PXDN: variants seen among roughly 807,000 people sequenced by gnomAD.
PXDN encodes the protein peroxidasin homolog.
A neutral mutation model predicts 140.3 loss-of-function variants in PXDN; 77 were observed. That is an observed-to-expected ratio of 0.55 (90% CI 0.46 to 0.66). PXDN has a LOEUF of 0.66. Among genes scored for constraint, PXDN ranks in the 30% least tolerant of loss-of-function variants. The pLI is 0.00. For synonymous variants in PXDN, 911 were observed against 857.4 expected (o/e 1.06, Z -1.09); for missense variants, 1,838 against 2,039.5 (o/e 0.90, Z 1.90).
rs913901442 is a variant in PXDN, at chr2:1,660,532, G to T, written c.1837+349C>A. On this transcript the variant is annotated intron_variant, in intron 14 of 22. Coordinates refer to ENST00000252804, the MANE Select transcript of PXDN (RefSeq NM_012293.3). The surrounding 1 kb of genome is among the most constrained non-coding windows in gnomAD (Gnocchi z 4.6). ...TTCAAGCAACCATATTTGCCAAATT[G>T]TAACTGTAAATTACACCTGGTCATT... Among the ~76,000 whole-genome samples, 1 of 152,228 alleles carries T rather than the reference G, an allele frequency of 6.6e-6. No homozygotes were observed. The highest frequency in any genetic ancestry group is 2.4e-5 in the African/African-American group (1 of 41,462).
At position 1,666,434 on chromosome 2, in the gene PXDN, C is replaced by T. The variant is rs1312827636; in HGVS notation, c.1071G>A (p.Glu357=). ...QPQNTEVLVG[E]SVTLECSATG... is the part of the protein sequence containing the mutation. ...TGGCGCTGCACTCCAGCGTGACGCT[C>T]TCCCCAACCAGCACCTCTGTATTCT... Residue 357 remains glutamate, a synonymous_variant, in exon 10 of 23, where the codon GAG becomes GAA. Coordinates refer to ENST00000252804, the MANE Select transcript of PXDN (RefSeq NM_012293.3). 6.2e-7 allele frequency: 1 copy of T among 1,613,126 alleles called. No homozygotes were observed. The highest frequency in any genetic ancestry group is 8.5e-7 in the Non-Finnish European group (1 of 1,179,396).
intron 18 of PXDN, among the ~76,000 whole-genome samples, chr2:1,644,233 C>T (rs927731100): frequency 6.6e-6 from 1 of 152,096 alleles, no homozygotes; most frequent in African/African-American, 2.4e-5. Flanking sequence ...CTTTCCACTA[C>T]ATTAAAGTAA....
intron 1 of PXDN, among the ~76,000 whole-genome samples, chr2:1,697,932 T>C (rs1389776329): frequency 1.3e-5 from 2 of 152,234 alleles, no homozygotes; most frequent in Admixed American, 1.3e-4. Flanking sequence ...TAGAAAGTTC[T>C]GGGAAACCTA....
chr2:1,645,060 A>G lies in PXDN; in HGVS notation c.3609-308T>C, dbSNP rs12472901. ...CTTTTCCAACTATTCAGGGATAACCACACGTAACATCATAATGTATACCCT... is the reference window on the plus strand; with the variant it reads ...CTTTTCCAACTATTCAGGGATAACCGCACGTAACATCATAATGTATACCCT... On this transcript the variant is annotated intron_variant, in intron 17 of 22. Coordinates refer to ENST00000252804, the MANE Select transcript of PXDN (RefSeq NM_012293.3). 0.37 allele frequency among the ~76,000 whole-genome samples: 56,718 copies of G among 152,038 alleles called. 11,189 individuals carry two copies. The highest frequency in any genetic ancestry group is 0.48 in the Admixed American group (7,272 of 15,270).
At chr2:1,644,783 C>G in intron 17 of PXDN, 31 bp from the exon 18 acceptor site, 1 of 1,444,202 alleles carries the variant, frequency 6.9e-7, no homozygotes, top group Non-Finnish European at 9.2e-7. Flanking sequence ...TGAAATCTAC[C>G]TAACAAAGCT....
chr2:1,687,779 T>C lies in PXDN; in HGVS notation c.345-76A>G. 1 of 1,130,544 alleles carries C rather than the reference T, an allele frequency of 8.8e-7. No homozygotes were observed. The highest frequency in any genetic ancestry group is 1.3e-6 in the Non-Finnish European group (1 of 775,940). The allele number at this position is 1,130,544 out of a possible 1,614,324, so 70.0% of individuals were successfully genotyped here. ...TTCAGACGGAAAAGAAGAATTAAAT[T>C]GACACATGGAGACAGTTTTACAATT... On this transcript the variant is annotated intron_variant, in intron 3 of 22. Coordinates refer to ENST00000252804, the MANE Select transcript of PXDN (RefSeq NM_012293.3). The surrounding 1 kb of genome is among the most constrained non-coding windows in gnomAD (Gnocchi z 4.0).
At chr2:1,663,850 G>C (rs1558497834) in intron 11 of PXDN, 87 bp from the exon 12 acceptor site, 2 of 1,524,752 alleles carry the variant, frequency 1.3e-6, no homozygotes, top group East Asian at 4.5e-5. Flanking sequence ...ACAGAAGCTT[G>C]TCTCCACCTG....
chr2:1,684,168 A>C lies in PXDN; in HGVS notation c.417-17T>G, dbSNP rs748679421. On this transcript the variant is annotated splice_polypyrimidine_tract_variant and intron_variant, in intron 4 of 22. Coordinates refer to ENST00000252804, the MANE Select transcript of PXDN (RefSeq NM_012293.3). ...TGCAGGTATCTAGAGGAGTTAAAAG[A>C]AAAAAAAGTATAACTTACAATTTAT... 3.2e-6 allele frequency: 5 copies of C among 1,541,782 alleles called. No individual in the cohort carries two copies. The Admixed American group carries it at 9.8e-5, about 30-fold the overall frequency.
At position 1,687,560 on chromosome 2, in the gene PXDN, C is replaced by T; in HGVS notation, c.416+72G>A. On this transcript the variant is annotated intron_variant, in intron 4 of 22. Coordinates refer to ENST00000252804, the MANE Select transcript of PXDN (RefSeq NM_012293.3). This position sits in a 1 kb window ranked among gnomAD's most constrained non-coding sequence, Gnocchi z 4.0. ...CATCATGCAAACAGCTAGCTCACTC[C>T]ACTGGTCCCTACAAGAGGAAAACAG... 8.2e-7 allele frequency: 1 copy of T among 1,222,040 alleles called. No homozygotes were observed. The highest frequency in any genetic ancestry group is 1.1e-6 in the Non-Finnish European group (1 of 873,460). The allele number at this position is 1,222,040 out of a possible 1,614,324, so 75.7% of individuals were successfully genotyped here.
At chr2:1,739,058 G>A (rs924898958) in intron 1 of PXDN, among the ~76,000 whole-genome samples, 5 of 152,134 alleles carry the variant, frequency 3.3e-5, no homozygotes, top group East Asian at 3.9e-4. Context: ...AGTGTGTTCC[G>A]GGAAGATCAG....
At chr2:1,716,798 C>T (rs1278256425) in intron 1 of PXDN, among the ~76,000 whole-genome samples, 1 of 152,124 alleles carries the variant, frequency 6.6e-6, no homozygotes, top group Non-Finnish European at 1.5e-5. Context: ...CCTGTTTGAC[C>T]CCAAGGACAA....
At chr2:1,702,992 G>GGGA (rs1684474113) in intron 1 of PXDN, among the ~76,000 whole-genome samples, 1 of 99,654 alleles carries the variant, frequency 1.0e-5, no homozygotes, top group African/African-American at 5.5e-5. Flanking sequence ...AGGTGAAGGG[G>GGGA]GGGACAACTC....
In PXDN at chr2:1,744,502, C is replaced by T. The variant is rs763583417; in HGVS notation, c.-47G>A. ...CTCGGACGCACGGAGCCACCACGGC[C>T]GGCTCCCGACTGCGCCCGCCCGGCC... On this transcript the variant is annotated 5_prime_UTR_variant, in exon 1 of 23. Coordinates refer to ENST00000252804, the MANE Select transcript of PXDN (RefSeq NM_012293.3). The T allele has an allele frequency of 3.8e-6, 5 of 1,330,796 alleles. No homozygotes were observed. The South Asian group carries it at 6.0e-5, about 16-fold the overall frequency. 82.4% of individuals were successfully genotyped at this position (1,330,796 alleles called of 1,614,324 possible). A position where few individuals can be genotyped will look rare whatever the true frequency, so the allele number is the denominator to read the frequency against.
intron 1 of PXDN, among the ~76,000 whole-genome samples, chr2:1,705,104 G>A (rs372268854): frequency 1.9e-4 from 20 of 104,986 alleles, no homozygotes; most frequent in African/African-American, 8.3e-4. Context: ...TGCCCATCAC[G>A]TGAGAGCCGT....
intron 3 of PXDN, among the ~76,000 whole-genome samples, chr2:1,688,073 C>G (rs1426539894): frequency 6.6e-6 from 1 of 152,198 alleles, no homozygotes; most frequent in East Asian, 1.9e-4. Context: ...GATTCTATAA[C>G]TGATACTGAT....
rs778091236 is a variant in PXDN at position 1,644,637 on chromosome 2, G to C, written c.3724C>G (p.Arg1242Gly). The change falls in exon 18 of 23, where the codon CGC becomes GGC. Residue 1242 changes from arginine (R) to glycine (G), a missense_variant. Coordinates refer to ENST00000252804, the MANE Select transcript of PXDN (RefSeq NM_012293.3). The stretch of plus-strand genomic sequence containing the variant: ...GCTCACCTGTCCCCATCTCGCAGGC[G>C]CTTGAACTGTGTGCTGAGAAGACAC... ...LMCLLSTQFK[R>G]LRDGDRLWYE... 1 of 1,606,284 alleles carries C rather than the reference G, an allele frequency of 6.2e-7. No individual in the cohort carries two copies.
At chr2:1,703,244 GGGGGGCAACTCCAGGTGAAGGTA>G (rs1360811021) in intron 1 of PXDN, among the ~76,000 whole-genome samples, 687 of 13,716 alleles carry the variant, frequency 0.05, 251 homozygotes, top group Non-Finnish European at 0.073. Context: ...CCTGGTGAAG[GGGGGGCAACTCCAGGTGAAGGTA>G]GGGGGCAACT....
At chr2:1,681,752 C>T (rs889588538) in intron 6 of PXDN, among the ~76,000 whole-genome samples, 1 of 152,198 alleles carries the variant, frequency 6.6e-6, no homozygotes, top group African/African-American at 2.4e-5. Flanking sequence ...AACCTGTGCC[C>T]ACAGCTGAAG....
chr2:1,650,391 G>A (rs1484733341), intron 16 of PXDN, among the ~76,000 whole-genome samples: 1 of 152,178 alleles, frequency 6.6e-6, no homozygotes, highest in East Asian at 1.9e-4. Context: ...GCTCCGACTA[G>A]GTCACCTTCT....
Sources: gnomAD v4.1 joint callset for allele counts (sites outside exome capture counted in the v4.1 genomes callset) on GRCh38, gnomAD v4.1.1 for gene constraint, Gnocchi (gnomAD v3.1) non-coding constraint, MANE v1.5 for transcripts, NCBI Gene and HGNC (gene_info 2026-07-23, HGNC 2026-07-21) for gene names.